ZC3H7A: variants seen among roughly 807,000 people sequenced by gnomAD.
The protein encoded by ZC3H7A is zinc finger CCCH-type containing 7A.
A neutral mutation model predicts 125.5 loss-of-function variants in ZC3H7A; 44 were observed. That is an observed-to-expected ratio of 0.35 (90% confidence interval 0.28 to 0.45). ZC3H7A has a LOEUF of 0.45. ZC3H7A is among the 20% of genes least tolerant of loss of function. The pLI, the probability that ZC3H7A is intolerant of heterozygous loss-of-function variation, is 1.00. For missense variants in ZC3H7A, 977 were observed against 1,170.7 expected, an observed-to-expected ratio of 0.83 and a Z score of 2.41; for synonymous variants, 399 against 391.2, an observed-to-expected ratio of 1.02 and a Z score of -0.23.
At chr16:11,775,691 T>G (rs1368124801) in intron 7 of ZC3H7A, 1 of 152,148 alleles carries the variant, frequency 6.6e-6, no homozygotes, top group Non-Finnish European at 1.5e-5. Flanking sequence ...AAAAAAACCC[T>G]TTGTTAATTT....
At chr16:11,793,864 A>G (rs928169057) in intron 1 of ZC3H7A, among the ~76,000 whole-genome samples, 5 of 152,198 alleles carry the variant, frequency 3.3e-5, no homozygotes, top group Non-Finnish European at 5.9e-5. Context: ...ATGCCAAACA[A>G]CAGCAGGAAG....
At chr16:11,781,631 TG>T (rs2053174491) in intron 2 of ZC3H7A, among the ~76,000 whole-genome samples, 167 bp from the exon 3 acceptor site, 1 of 136,186 alleles carries the variant, frequency 7.3e-6, no homozygotes, top group Non-Finnish European at 1.5e-5. Context: ...ACTACAGTTA[TG>T]GGAAAAAAAA....
intron 15 of ZC3H7A, among the ~76,000 whole-genome samples, chr16:11,764,543 C>T (rs927790055): frequency 2.0e-5 from 3 of 151,378 alleles, no homozygotes; most frequent in South Asian, 2.1e-4. Context: ...AAAAAGACTT[C>T]GTCTCAAAAA....
At chr16:11,763,714 T>A (rs2052795572) in intron 15 of ZC3H7A, 55 bp from the exon 16 acceptor site, 1 of 2,812 alleles carries the variant, frequency 3.6e-4, no homozygotes. Flanking sequence ...TTTTCAAATA[T>A]ATATATATAT....
At chr16:11,762,987 A>T in intron 16 of ZC3H7A, 1 of 437,454 alleles carries the variant, frequency 2.3e-6, no homozygotes, top group Non-Finnish European at 4.1e-6. Flanking sequence ...TGTATCAGTA[A>T]TTAATGACAT....
At chr16:11,768,896 TCTTA>T (rs2052917872) in intron 11 of ZC3H7A, 131 bp downstream of exon 11, 1 of 839,682 alleles carries the variant, frequency 1.2e-6, no homozygotes, top group Non-Finnish European at 1.8e-6. Flanking sequence ...GTTCCAGAAG[TCTTA>T]CTTTAACACA....
At chr16:11,781,664 A>G (rs1483178127) in intron 2 of ZC3H7A, among the ~76,000 whole-genome samples, 200 bp from the exon 3 acceptor site, 1 of 150,318 alleles carries the variant, frequency 6.7e-6, no homozygotes, top group East Asian at 1.9e-4. Context: ...ATATATATAT[A>G]TATATATATA....
rs148564745 is a variant in ZC3H7A, at chr16:11,760,356, A to G, written c.2319+1050T>C. Among the ~76,000 whole-genome samples the G allele has an allele frequency of 4.7e-3, 714 of 152,186 alleles. 9 individuals carry two copies. The highest frequency in any genetic ancestry group is 0.016 in the African/African-American group (677 of 41,454). ...TTATCTCCATCATCCTTTAAACCACAGGAAATCAAGGTTCCAAATAAACCC... is the reference window on the plus strand; with the variant it reads ...TTATCTCCATCATCCTTTAAACCACGGGAAATCAAGGTTCCAAATAAACCC... On this transcript the variant is annotated intron_variant, in intron 19 of 22. Transcript: ENST00000355758.
intron 15 of ZC3H7A, among the ~76,000 whole-genome samples, chr16:11,764,006 G>A (rs1327761216): frequency 6.6e-6 from 1 of 151,482 alleles, no homozygotes; most frequent in Non-Finnish European, 1.5e-5. Flanking sequence ...GTGTTAGCCA[G>A]GATGGTCTCA....
At chr16:11,784,811 G>A (rs921374741) in intron 1 of ZC3H7A, among the ~76,000 whole-genome samples, 2 of 144,970 alleles carry the variant, frequency 1.4e-5, no homozygotes, top group Non-Finnish European at 3.0e-5. Flanking sequence ...CCAAGATCAC[G>A]TCATTGCACT....
At chr16:11,777,033 G>A (rs1306329823) in intron 4 of ZC3H7A, 124 bp from the exon 5 acceptor site, 1 of 671,626 alleles carries the variant, frequency 1.5e-6, no homozygotes, top group East Asian at 3.1e-5. Context: ...CTCCAAGTTA[G>A]CAGTATTACT....
intron 1 of ZC3H7A, among the ~76,000 whole-genome samples, chr16:11,796,027 C>T (rs1388479276): frequency 1.3e-5 from 2 of 151,930 alleles, no homozygotes; most frequent in African/African-American, 2.4e-5. Flanking sequence ...AGACAGGGGT[C>T]TCACTATGTT....
intron 21 of ZC3H7A, among the ~76,000 whole-genome samples, chr16:11,754,914 A>G (rs2052614989): frequency 7.9e-6 from 1 of 126,716 alleles, no homozygotes; most frequent in African/African-American, 2.9e-5. Context: ...AAAAAAAAAA[A>G]GAATACATGT....
In ZC3H7A at chr16:11,779,528, G is replaced by T. The variant is rs2053139031; in HGVS notation, c.109-165C>A. ...GCCCAAGTCACTGCTATCTCAGCTA[G>T]GGATTGAATCTTGCTTGCTTTTTCA... is the stretch of plus-strand genomic sequence containing the variant. On this transcript the variant is annotated intron_variant, in intron 3 of 22. Transcript: ENST00000355758. Among the ~76,000 whole-genome samples the T allele has an allele frequency of 2.6e-5, 4 of 152,188 alleles. No homozygotes were observed. The South Asian group carries it at 8.3e-4, about 31-fold the overall frequency.
At chr16:11,763,020 ACT>A (rs1596381920) in intron 16 of ZC3H7A, 1 of 345,408 alleles carries the variant, frequency 2.9e-6, no homozygotes, top group African/African-American at 2.1e-5. Flanking sequence ...AAAATAGGCA[ACT>A]CTAAAAATCA....
chr16:11,767,408 A>C lies in ZC3H7A; in HGVS notation c.1522+9T>G. ...TAATGTATACTAATTAAGTAATTACAGTACATACCTTTACATATATAATAT... is the reference window on the plus strand; with the variant it reads ...TAATGTATACTAATTAAGTAATTACCGTACATACCTTTACATATATAATAT... On this transcript the variant is annotated intron_variant, in intron 13 of 22. Coordinates refer to ENST00000355758, the MANE Select transcript of ZC3H7A (RefSeq NM_014153.4). 1 of 1,541,168 alleles carries C rather than the reference A, an allele frequency of 6.5e-7. No homozygotes were observed. Among genetic ancestry groups the C allele is most frequent in the Non-Finnish European group, 8.9e-7 (1 of 1,127,866 alleles).
At chr16:11,772,303 G>T (rs1359072422) in intron 9 of ZC3H7A, among the ~76,000 whole-genome samples, 2 of 151,628 alleles carry the variant, frequency 1.3e-5, no homozygotes, top group Non-Finnish European at 2.9e-5. Context: ...CATGAAGATT[G>T]AGACAACCTC....
chr16:11,751,252 C>T lies in ZC3H7A; in HGVS notation c.*65G>A. 1.3e-6 allele frequency: 2 copies of T among 1,493,960 alleles called. No individual in the cohort carries two copies. The highest frequency in any genetic ancestry group is 9.0e-7 in the Non-Finnish European group (1 of 1,108,758). 92.5% of individuals were successfully genotyped at this position (1,493,960 alleles called of 1,614,324 possible). A position where few individuals can be genotyped will look rare whatever the true frequency, so the allele number is the denominator to read the frequency against. ...AATCTGCAGCTCCTCTGCTATGTGC[C>T]TCAGAACACTTTCAATTTTTCTGGT... is the stretch of plus-strand genomic sequence containing the variant. On this transcript the variant is annotated 3_prime_UTR_variant, in exon 23 of 23. Coordinates refer to ENST00000355758, the MANE Select transcript of ZC3H7A (RefSeq NM_014153.4).
At position 11,765,099 on chromosome 16, in the gene ZC3H7A, T is replaced by C. The variant is rs2052832059; in HGVS notation, c.1774A>G (p.Thr592Ala). Residue 592 changes from threonine to alanine, a missense_variant, in exon 15 of 23, where the codon ACT becomes GCT. Thr to Ala is a moderately conservative substitution (Grantham distance 58). Coordinates refer to ENST00000355758, the MANE Select transcript of ZC3H7A (RefSeq NM_014153.4). This position sits in a 1 kb window ranked among gnomAD's most constrained non-coding sequence, Gnocchi z 4.8. The stretch of plus-strand genomic sequence containing the variant: ...TTTGTAACCGGGTGAGAACAAGCAG[T>C]AGAATTATCTTTATTTCTTTTACTT... ...MISKRNKDNS[T>A]ACSHPVTKHE... The C allele has an allele frequency of 6.3e-7, 1 of 1,593,182 alleles. No individual in the cohort carries two copies. Among genetic ancestry groups the C allele is most frequent in the African/African-American group, 1.4e-5 (1 of 73,630 alleles).
Sources: allele counts gnomAD v4.1 joint callset (sites outside exome capture counted in the v4.1 genomes callset), GRCh38; gene constraint gnomAD v4.1.1; non-coding constraint Gnocchi (gnomAD v3.1); transcripts MANE v1.5; gene names NCBI Gene and HGNC (gene_info 2026-07-23, HGNC 2026-07-21).